AKT3: variants seen among roughly 807,000 people sequenced by gnomAD.
AKT3 encodes the protein AKT serine/threonine kinase 3.
A neutral mutation model predicts 65.3 loss-of-function variants in AKT3; 15 were observed. That is an observed-to-expected ratio of 0.23 (90% confidence interval 0.15 to 0.35). AKT3 has a LOEUF of 0.35. Ranked by LOEUF, AKT3 falls within the 10% of genes least tolerant of loss-of-function variation. The pLI, the probability that AKT3 is intolerant of heterozygous loss-of-function variation, is 1.00. For missense variants in AKT3, 243 were observed against 576.5 expected (o/e 0.42, Z 5.92); for synonymous variants, 206 against 183.8 (o/e 1.12, Z -0.98).
chr1:243,600,109 C>A (rs1404211988), intron 8 of AKT3, among the ~76,000 whole-genome samples: 1 of 151,932 alleles, frequency 6.6e-6, no homozygotes, highest in Non-Finnish European at 1.5e-5. Flanking sequence ...ATTTTTAAAA[C>A]TTTCAAGACC....
chr1:243,769,027 G>C (rs1454192789), intron 2 of AKT3, among the ~76,000 whole-genome samples: 3 of 151,610 alleles, frequency 2.0e-5, no homozygotes, highest in African/African-American at 4.8e-5. Flanking sequence ...CTCATCTCCT[G>C]ACCATGAAAC....
intron 3 of AKT3, among the ~76,000 whole-genome samples, chr1:243,666,526 A>G (rs1051227863): frequency 2.6e-5 from 4 of 152,108 alleles, no homozygotes; most frequent in African/African-American, 9.7e-5. Context: ...CCCTAAAACC[A>G]AACTCAGTAT....
At chr1:243,652,771 C>CAAAAAAAA (rs371580711) in intron 4 of AKT3, among the ~76,000 whole-genome samples, 11 of 31,296 alleles carry the variant, frequency 3.5e-4, no homozygotes, top group African/African-American at 3.9e-4. Context: ...AAATAGAAAG[C>CAAAAAAAA]AAAAAAAAAA....
At chr1:243,564,637 C>A (rs985621956) in intron 9 of AKT3, among the ~76,000 whole-genome samples, 1 of 152,082 alleles carries the variant, frequency 6.6e-6, no homozygotes, top group Non-Finnish European at 1.5e-5. Context: ...CAGTTCCCCT[C>A]GAGCTAATTT....
intron 3 of AKT3, among the ~76,000 whole-genome samples, chr1:243,667,794 T>C (rs1682900285): frequency 6.6e-6 from 1 of 152,108 alleles, no homozygotes; most frequent in Middle Eastern, 3.2e-3. Flanking sequence ...CCCACTGAAG[T>C]TTCTGACCTA....
At chr1:243,495,131 C>T (rs1011020213), downstream of AKT3, among the ~76,000 whole-genome samples, 5 of 152,246 alleles carry the variant, frequency 3.3e-5, no homozygotes, top group Admixed American at 1.3e-4. Flanking sequence ...TCAGACCCCA[C>T]GGTTGGGAAG....
intron 5 of AKT3, among the ~76,000 whole-genome samples, chr1:243,640,752 G>A (rs1413136992): frequency 6.6e-6 from 1 of 152,190 alleles, no homozygotes; most frequent in Non-Finnish European, 1.5e-5. Flanking sequence ...CTGATTGAGA[G>A]CCATGCATGC....
chr1:243,634,588 C>G (rs1365796893), intron 6 of AKT3, among the ~76,000 whole-genome samples: 2 of 151,618 alleles, frequency 1.3e-5, no homozygotes, highest in East Asian at 1.9e-4. Flanking sequence ...GGGGGTAACT[C>G]AAACCATGAA....
chr1:243,657,234 C>T (rs1418342868), intron 4 of AKT3, among the ~76,000 whole-genome samples: 1 of 152,038 alleles, frequency 6.6e-6, no homozygotes, highest in Non-Finnish European at 1.5e-5. Context: ...TTCTATGAAC[C>T]GTGAAGAGGG....
rs149049506 is a variant in AKT3, at chr1:243,759,482, A to T, written c.47-63766T>A. Among the ~76,000 whole-genome samples the T allele has an allele frequency of 3.2e-4, 48 of 152,152 alleles. No homozygotes were observed. In the East Asian group the frequency reaches 5.4e-3, roughly 17 times the overall value. On this transcript the variant is annotated intron_variant, in intron 2 of 13. Transcript: ENST00000673466. ...AACTTAGGTGAAAGCTAAATTACTA[A>T]ATCATATTTTATGCTATACCTTCCC...
chr1:243,497,778 CAGCA>C (rs1668403140), downstream of AKT3, among the ~76,000 whole-genome samples: 1 of 152,168 alleles, frequency 6.6e-6, no homozygotes, highest in East Asian at 1.9e-4. Flanking sequence ...TTCTGGGCTA[CAGCA>C]ATTCTCCTAC....
chr1:243,798,413 T>TTTTTG (rs1558821248), intron 2 of AKT3, among the ~76,000 whole-genome samples: 8 of 138,050 alleles, frequency 5.8e-5, no homozygotes, highest in Non-Finnish European at 1.1e-4. Context: ...TTTTTTTTTT[T>TTTTTG]TTTTGTTTTG....
intron 1 of AKT3, among the ~76,000 whole-genome samples, chr1:243,849,386 A>AACC (rs1695655077): frequency 1.1e-4 from 12 of 107,014 alleles, no homozygotes; most frequent in East Asian, 2.9e-4. Context: ...CCACACACAC[A>AACC]CCCCCCCCCC....
chr1:243,633,247 T>C (rs1194126118), intron 6 of AKT3, among the ~76,000 whole-genome samples: 1 of 152,152 alleles, frequency 6.6e-6, no homozygotes, highest in Non-Finnish European at 1.5e-5. Context: ...AGAAAAGCTA[T>C]AGTGAGTTAT....
chr1:243,772,258 C>A (rs1270057829), intron 2 of AKT3, among the ~76,000 whole-genome samples: 1 of 152,032 alleles, frequency 6.6e-6, no homozygotes, highest in African/African-American at 2.4e-5. Flanking sequence ...AGGCAACCTA[C>A]AGAATGGGAG....
intron 10 of AKT3, among the ~76,000 whole-genome samples, chr1:243,559,777 G>A (rs771674379): frequency 5.9e-5 from 9 of 152,116 alleles, no homozygotes; most frequent in South Asian, 2.1e-4. Context: ...TGTTGACAGT[G>A]AGTCATTCAC....
chr1:243,675,731 G>A (rs1433813135), intron 3 of AKT3, among the ~76,000 whole-genome samples: 1 of 152,046 alleles, frequency 6.6e-6, no homozygotes, highest in African/African-American at 2.4e-5. Context: ...TGCAGCATTT[G>A]ATGTTCTTGG....
intron 6 of AKT3, among the ~76,000 whole-genome samples, chr1:243,636,370 T>C (rs1572069983): frequency 6.6e-6 from 1 of 152,036 alleles, no homozygotes; most frequent in Admixed American, 6.6e-5. Context: ...AGCCCCACTC[T>C]GTAGATAAGA....
intron 2 of AKT3, among the ~76,000 whole-genome samples, chr1:243,749,345 T>C (rs1558776202): frequency 6.6e-6 from 1 of 152,158 alleles, no homozygotes; most frequent in African/African-American, 2.4e-5. Context: ...TCATGATTGT[T>C]TTCTAAAGGA....
Sources: allele counts gnomAD v4.1 joint callset (sites outside exome capture counted in the v4.1 genomes callset), GRCh38; gene constraint gnomAD v4.1.1; transcripts MANE v1.5; gene names NCBI Gene and HGNC (gene_info 2026-07-23, HGNC 2026-07-21).